Variants in NME8 observed in about 807,000 individuals in gnomAD.
The protein encoded by NME8 is NME/NM23 family member 8.
A neutral mutation model predicts 82.3 loss-of-function variants in NME8; 72 were observed. The ratio of observed to expected loss-of-function variants is 0.87; its 90% CI spans 0.72 to 1.06. The LOEUF is 1.06. Ranked by LOEUF, NME8 falls within the 50% of genes least tolerant of loss-of-function variation. The pLI is 0.00. For missense variants in NME8, 712 were observed against 685.4 expected (o/e 1.04, Z -0.43); for synonymous variants, 267 against 228.5 (o/e 1.17, Z -1.52).
At position 37,884,413 on chromosome 7, in the gene NME8, G is replaced by A. The variant is rs111988623; in HGVS notation, c.1105G>A (p.Asp369Asn). The A allele has an allele frequency of 6.2e-7, 1 of 1,610,512 alleles. No individual in the cohort carries two copies. Among genetic ancestry groups the A allele is most frequent in the Non-Finnish European group, 8.5e-7 (1 of 1,176,888 alleles). Residue 369 changes from aspartate (D) to asparagine (N), a missense_variant, in exon 13 of 18, where the codon GAC becomes AAC. Coordinates refer to ENST00000199447, the MANE Select transcript of NME8 (RefSeq NM_016616.5). The stretch of plus-strand genomic sequence containing the variant: ...ACTGTGCAAGGAATATGAAAATGAA[G>A]ACTATTTTAATAAACTTATAGAAAA... ...QALCKEYENE[D>N]YFNKLIENMT... is the part of the protein sequence containing the mutation.
chr7:37,860,373 G>A (rs1049689560), intron 6 of NME8, among the ~76,000 whole-genome samples: 5 of 152,078 alleles, frequency 3.3e-5, no homozygotes, highest in African/African-American at 1.2e-4. Flanking sequence ...AATTGCTGTT[G>A]CTAATGTATC....
chr7:37,882,546 G>GGAAAGAAA (rs753903098), intron 12 of NME8, among the ~76,000 whole-genome samples: 1,113 of 102,072 alleles, frequency 0.011, 21 homozygotes, highest in Non-Finnish European at 0.014. Flanking sequence ...AGGGAGGAAG[G>GGAAAGAAA]GAAAGAAAGA....
chr7:37,882,625 A>AAG (rs879347438), intron 12 of NME8, among the ~76,000 whole-genome samples: 18 of 133,814 alleles, frequency 1.3e-4, no homozygotes, highest in South Asian at 9.7e-4. Flanking sequence ...GAAAGAAAGA[A>AAG]AGAAAGAAAG....
chr7:37,890,746 A>T (rs1414230572), intron 15 of NME8, among the ~76,000 whole-genome samples: 3 of 151,988 alleles, frequency 2.0e-5, no homozygotes, highest in Non-Finnish European at 4.4e-5. Context: ...GCCACAAATG[A>T]CAGGATTTCA....
intron 5 of NME8, among the ~76,000 whole-genome samples, chr7:37,852,190 G>T (rs2598041): frequency 0.24 from 36,551 of 151,572 alleles, 4,418 homozygotes; most frequent in Middle Eastern, 0.26. Flanking sequence ...TTATATAGAT[G>T]TTATTTTTAG....
intron 12 of NME8, 64 bp from the exon 13 acceptor site, chr7:37,884,239 T>A: frequency 1.8e-6 from 2 of 1,116,662 alleles, no homozygotes; most frequent in Non-Finnish European, 2.7e-6. Flanking sequence ...TAGTATATTA[T>A]GTATTGTGTA....
intron 11 of NME8, among the ~76,000 whole-genome samples, chr7:37,871,759 A>C (rs1419345267): frequency 6.6e-6 from 1 of 152,098 alleles, no homozygotes; most frequent in African/African-American, 2.4e-5. Context: ...TCTTCTCAGT[A>C]GCCTCTCTAT....
intron 9 of NME8, among the ~76,000 whole-genome samples, 185 bp downstream of exon 9, chr7:37,864,606 G>T (rs1784649073): frequency 1.3e-5 from 2 of 152,088 alleles, no homozygotes; most frequent in South Asian, 4.2e-4. Context: ...GCATCCTTCT[G>T]TAAATGATCC....
rs1562844406 is a variant in NME8, at chr7:37,897,126, A to G, written c.*15+19A>G. The G allele has an allele frequency of 7.0e-7, 1 of 1,430,544 alleles. No individual in the cohort carries two copies. The highest frequency in any genetic ancestry group is 1.7e-5 in the Admixed American group (1 of 59,058). 88.6% of individuals were successfully genotyped at this position (1,430,544 alleles called of 1,614,324 possible). A position where few individuals can be genotyped will look rare whatever the true frequency, so the allele number is the denominator to read the frequency against. ...CTGTGAAGTACGTACCTGTTTAATT[A>G]TTATTTTATTTTATTTGCTTGTTGC... is the stretch of plus-strand genomic sequence containing the variant. On this transcript the variant is annotated intron_variant, in intron 17 of 17. Coordinates refer to ENST00000199447, the MANE Select transcript of NME8 (RefSeq NM_016616.5).
intron 11 of NME8, among the ~76,000 whole-genome samples, chr7:37,873,930 G>T (rs1321741511): frequency 6.6e-6 from 1 of 152,142 alleles, no homozygotes; most frequent in Admixed American, 6.5e-5. Context: ...TGCATACTTG[G>T]CAGCAATTGA....
chr7:37,884,508 T>G (rs1785011948), intron 13 of NME8, 61 bp downstream of exon 13: 3 of 1,469,008 alleles, frequency 2.0e-6, no homozygotes, highest in Non-Finnish European at 2.8e-6. Context: ...AACTTTCTCT[T>G]AAGTCTGGTT....
chr7:37,884,280 A>G (rs765575880), intron 12 of NME8, 23 bp from the exon 13 acceptor site: 5 of 1,480,290 alleles, frequency 3.4e-6, no homozygotes, highest in Non-Finnish European at 3.8e-6. Flanking sequence ...TTTAAAACTT[A>G]TTATGTAACT....
At position 37,875,006 on chromosome 7, in the gene NME8, C is replaced by T. The variant is rs374418679; in HGVS notation, c.819-1826C>T. Among the ~76,000 whole-genome samples the T allele has an allele frequency of 3.5e-4, 53 of 152,256 alleles. No homozygotes were observed. The South Asian group carries it at 8.5e-3, about 24-fold the overall frequency. ...GGAGCAAGTAACGGACCAAGAAGGA[C>T]GCAGGCTCATGAAGATAGTTTTCCT... On this transcript the variant is annotated intron_variant, in intron 11 of 17. Coordinates refer to ENST00000199447, the MANE Select transcript of NME8 (RefSeq NM_016616.5).
At chr7:37,856,263 A>G (rs1400513286) in intron 5 of NME8, among the ~76,000 whole-genome samples, 7 of 152,174 alleles carry the variant, frequency 4.6e-5, no homozygotes, top group Non-Finnish European at 8.8e-5. Context: ...CTAATCTCCA[A>G]TGTGGTGATA....
chr7:37,882,597 A>AAGGAAGAAAGAAAGAAAGAG (rs1554365623), intron 12 of NME8, among the ~76,000 whole-genome samples: 1 of 82,994 alleles, frequency 1.2e-5, no homozygotes, highest in Non-Finnish European at 2.6e-5. Flanking sequence ...GAAAGAAAGA[A>AAGGAAGAAAGAAAGAAAGAG]AGAGAGAGAG....
chr7:37,884,666 A>G (rs75706006), intron 13 of NME8, among the ~76,000 whole-genome samples: 3 of 152,342 alleles, frequency 2.0e-5, no homozygotes, highest in African/African-American at 7.2e-5. Context: ...AAGGTCTCAG[A>G]GGAAGTTACT....
chr7:37,894,232 T>C (rs1785180687), intron 15 of NME8, among the ~76,000 whole-genome samples: 1 of 152,138 alleles, frequency 6.6e-6, no homozygotes. Context: ...CTACTAGGTG[T>C]TTCAGGTGGT....
Position 37,850,244 on chromosome 7 carries a change from C to G in NME8, c.-7-16C>G, listed in dbSNP as rs1210203922. 6.3e-7 allele frequency: 1 copy of G among 1,574,988 alleles called. No homozygotes were observed. The highest frequency in any genetic ancestry group is 8.7e-7 in the Non-Finnish European group (1 of 1,150,896). On this transcript the variant is annotated splice_polypyrimidine_tract_variant and intron_variant, in intron 2 of 17. Transcript: ENST00000199447. ...ATTTCCTACTTAAAAATTTTTCTTT[C>G]TTTTTCCTATGATAGTAGATAAATG...
intron 17 of NME8, 111 bp downstream of exon 17, chr7:37,897,218 C>CT (rs1264672111): frequency 2.8e-6 from 2 of 716,972 alleles, no homozygotes; most frequent in Admixed American, 2.3e-5. Context: ...CTGAATCAAG[C>CT]TTTATTTCCT....
Sources: gnomAD v4.1 joint callset for allele counts (sites outside exome capture counted in the v4.1 genomes callset) on GRCh38, gnomAD v4.1.1 for gene constraint, MANE v1.5 for transcripts, NCBI Gene and HGNC (gene_info 2026-07-23, HGNC 2026-07-21) for gene names.